Variants in COP1 observed in about 807,000 individuals in gnomAD.
COP1 encodes COP1 E3 ubiquitin ligase.
COP1 carries 24 observed loss-of-function variants against 101.3 expected under a neutral mutation model. The observed-to-expected ratio is 0.24, with a 90% CI of 0.17 to 0.33. The LOEUF is 0.33. Ranked by LOEUF, COP1 falls within the 10% of genes least tolerant of loss-of-function variation. COP1 has a pLI of 1.00. For synonymous variants in COP1, 347 were observed against 341.9 expected, an observed-to-expected ratio of 1.01 and a Z score of -0.17; for missense variants, 663 against 906.2, an observed-to-expected ratio of 0.73 and a Z score of 3.45.
At chr1:175,950,073 T>TA (rs1268973432) in intron 18 of COP1, among the ~76,000 whole-genome samples, 1 of 152,156 alleles carries the variant, frequency 6.6e-6, no homozygotes, top group Non-Finnish European at 1.5e-5. Context: ...GGACATCTGA[T>TA]AACTATCCAA....
chr1:175,986,337 A>G (rs1211056593), intron 18 of COP1, among the ~76,000 whole-genome samples: 1 of 152,172 alleles, frequency 6.6e-6, no homozygotes, highest in Non-Finnish European at 1.5e-5. Context: ...ATTTTTTCAT[A>G]TAACTTATGA....
rs114615159 is a variant in COP1, at chr1:176,062,358, A to T, written c.1278-16034T>A. Reference sequence around the variant, plus strand: ...AAAGATTTGAATAGACAATTCACAAAAGATATACAAATAGTTAATAAGTGC... The same window carrying T: ...AAAGATTTGAATAGACAATTCACAATAGATATACAAATAGTTAATAAGTGC... On this transcript the variant is annotated intron_variant, in intron 11 of 19. Transcript: ENST00000367669. Among the ~76,000 whole-genome samples, 527 of 152,326 alleles carry T rather than the reference A, an allele frequency of 3.5e-3. 2 individuals carry two copies. Among genetic ancestry groups the T allele is most frequent in the African/African-American group, 0.012 (504 of 41,580 alleles).
At chr1:176,046,434 T>A in intron 11 of COP1, 110 bp from the exon 12 acceptor site, 1 of 948,618 alleles carries the variant, frequency 1.1e-6, no homozygotes, top group Non-Finnish European at 1.6e-6. Context: ...CTTCAAATTG[T>A]ACTAGACCTC....
chr1:175,977,694 T>C (rs1270950549), intron 18 of COP1, among the ~76,000 whole-genome samples: 1 of 152,262 alleles, frequency 6.6e-6, no homozygotes, highest in East Asian at 1.9e-4. Context: ...CCAGACAATC[T>C]GTATATTCTT....
chr1:176,021,505 C>A (rs1045797202), intron 15 of COP1, among the ~76,000 whole-genome samples: 8 of 151,828 alleles, frequency 5.3e-5, no homozygotes, highest in Non-Finnish European at 7.4e-5. Flanking sequence ...GGATTAAATG[C>A]AAATAATGGT....
chr1:176,041,008 G>C, intron 14 of COP1, among the ~76,000 whole-genome samples: 1 of 152,052 alleles, frequency 6.6e-6, no homozygotes, highest in East Asian at 1.9e-4. Context: ...ACAGTGAATA[G>C]TAAAGATGGA....
chr1:175,998,631 T>G (rs1451236649), intron 15 of COP1, among the ~76,000 whole-genome samples: 1 of 152,094 alleles, frequency 6.6e-6, no homozygotes, highest in South Asian at 2.1e-4. Flanking sequence ...ATCTTTCATC[T>G]AGTACCAGGG....
At chr1:176,084,623 A>G (rs1238881991) in intron 10 of COP1, among the ~76,000 whole-genome samples, 1 of 152,232 alleles carries the variant, frequency 6.6e-6, no homozygotes, top group Non-Finnish European at 1.5e-5. Flanking sequence ...CTTTCCCAGC[A>G]TAAAAACTGT....
chr1:175,983,296 T>G (rs1236903071), intron 18 of COP1, among the ~76,000 whole-genome samples: 2 of 152,164 alleles, frequency 1.3e-5, no homozygotes, highest in Admixed American at 6.5e-5. Flanking sequence ...AAATGACTCA[T>G]GGGGGCAAGT....
intron 11 of COP1, among the ~76,000 whole-genome samples, chr1:176,051,788 T>A (rs981456643): frequency 2.4e-4 from 36 of 152,140 alleles, no homozygotes; most frequent in African/African-American, 8.4e-4. Flanking sequence ...GTGTCTCAGA[T>A]TTTAACAAAC....
chr1:176,131,396 G>A (rs1225936931), intron 8 of COP1, among the ~76,000 whole-genome samples: 2 of 151,736 alleles, frequency 1.3e-5, no homozygotes, highest in Non-Finnish European at 3.0e-5. Context: ...CTGGGAAAGG[G>A]AGAGAATACC....
rs190781521 is a variant in COP1, at chr1:176,113,971, C to T, written c.1026+2653G>A. On this transcript the variant is annotated intron_variant, in intron 9 of 19. Coordinates refer to ENST00000367669, the MANE Select transcript of COP1 (RefSeq NM_022457.7). ...TTTTTTTTTTTTTTTATAGTTTGCA[C>T]AGTGACCTTGTTTTTTAAACGTGGC... is the stretch of plus-strand genomic sequence containing the variant. 7.9e-3 allele frequency among the ~76,000 whole-genome samples: 1,167 copies of T among 147,776 alleles called. 7 individuals carry two copies. The highest frequency in any genetic ancestry group is 0.032 in the South Asian group (151 of 4,682).
chr1:175,999,899 A>G (rs1429996766), intron 15 of COP1, among the ~76,000 whole-genome samples: 1 of 152,062 alleles, frequency 6.6e-6, no homozygotes, highest in Non-Finnish European at 1.5e-5. Context: ...TGCCATTTAT[A>G]TGTCTTCTTT....
intron 18 of COP1, among the ~76,000 whole-genome samples, chr1:175,956,159 C>G (rs1024895538): frequency 3.3e-5 from 5 of 151,624 alleles, no homozygotes; most frequent in African/African-American, 1.2e-4. Flanking sequence ...ACATATAAAT[C>G]AAAGGCACAG....
intron 11 of COP1, among the ~76,000 whole-genome samples, chr1:176,077,410 A>G (rs1313255441): frequency 6.6e-6 from 1 of 152,198 alleles, no homozygotes; most frequent in Non-Finnish European, 1.5e-5. Flanking sequence ...ACATATGATC[A>G]TCTCAACAGA....
chr1:176,057,941 C>A (rs1425505084), intron 11 of COP1, among the ~76,000 whole-genome samples: 2 of 151,090 alleles, frequency 1.3e-5, no homozygotes, highest in Non-Finnish European at 3.0e-5. Context: ...GCACCTCTGC[C>A]CCGCCGCCCC....
At chr1:176,064,686 C>T (rs1675591719) in intron 11 of COP1, among the ~76,000 whole-genome samples, 1 of 152,108 alleles carries the variant, frequency 6.6e-6, no homozygotes, top group Non-Finnish European at 1.5e-5. Context: ...TGGTGTCTTG[C>T]TCTGTCGCCC....
At chr1:176,056,867 T>C (rs1673592681) in intron 11 of COP1, among the ~76,000 whole-genome samples, 1 of 152,216 alleles carries the variant, frequency 6.6e-6, no homozygotes, top group Non-Finnish European at 1.5e-5. Flanking sequence ...AAACACTTTA[T>C]TAATTACTAC....
intron 9 of COP1, among the ~76,000 whole-genome samples, chr1:176,111,604 A>C (rs1290748684): frequency 1.3e-5 from 2 of 152,142 alleles, no homozygotes; most frequent in Non-Finnish European, 2.9e-5. Context: ...CTAAGTATTT[A>C]ATTTCTAACA....
Sources: gnomAD v4.1 joint callset for allele counts (sites outside exome capture counted in the v4.1 genomes callset) on GRCh38, gnomAD v4.1.1 for gene constraint, MANE v1.5 for transcripts, NCBI Gene and HGNC (gene_info 2026-07-23, HGNC 2026-07-21) for gene names.